Variants in KDM4C observed in about 807,000 individuals in gnomAD.
KDM4C encodes lysine-specific demethylase 4C.
A neutral mutation model predicts 129.3 loss-of-function variants in KDM4C; 81 were observed. That is an observed-to-expected ratio of 0.63 (90% CI 0.52 to 0.75). The LOEUF is 0.75. KDM4C is among the 30% of genes least tolerant of loss of function. KDM4C has a pLI of 0.00. For missense variants in KDM4C, 1,457 were observed against 1,304.0 expected, an observed-to-expected ratio of 1.12 and a Z score of -1.81; for synonymous variants, 573 against 456.1, an observed-to-expected ratio of 1.26 and a Z score of -3.26.
At chr9:6,961,472 A>G (rs76027320) in intron 8 of KDM4C, among the ~76,000 whole-genome samples, 8,337 of 152,282 alleles carry the variant, frequency 0.055, 335 homozygotes, top group East Asian at 0.14. Context: ...ATAAACTGTC[A>G]GAAAATGAGT....
At chr9:6,983,950 G>T (rs986843590) in intron 9 of KDM4C, among the ~76,000 whole-genome samples, 2 of 151,952 alleles carry the variant, frequency 1.3e-5, no homozygotes, top group African/African-American at 4.8e-5. Flanking sequence ...ATTTACAGTT[G>T]TGTGAATTTT....
chr9:6,987,387 T>G (rs1233121765), intron 11 of KDM4C, among the ~76,000 whole-genome samples: 1 of 152,226 alleles, frequency 6.6e-6, no homozygotes, highest in Non-Finnish European at 1.5e-5. Flanking sequence ...GTATTAATAT[T>G]CCATATTCAG....
chr9:6,724,598 T>C (rs1221887166), intron 1 of KDM4C, among the ~76,000 whole-genome samples: 1 of 152,146 alleles, frequency 6.6e-6, no homozygotes, highest in Admixed American at 6.6e-5. Flanking sequence ...TGGCACGATC[T>C]CGGCTCACTG....
At chr9:6,976,600 A>G (rs1832965896) in intron 8 of KDM4C, among the ~76,000 whole-genome samples, 1 of 152,226 alleles carries the variant, frequency 6.6e-6, no homozygotes. Flanking sequence ...TGTTGGATAG[A>G]ATATAGAACA....
chr9:6,831,078 C>T (rs1206566237), intron 4 of KDM4C, among the ~76,000 whole-genome samples: 1 of 152,150 alleles, frequency 6.6e-6, no homozygotes, highest in Non-Finnish European at 1.5e-5. Flanking sequence ...TGTTAGATCA[C>T]GTTAGTGTCA....
chr9:6,848,713 C>G (rs1023233718), intron 4 of KDM4C, among the ~76,000 whole-genome samples: 1 of 152,034 alleles, frequency 6.6e-6, no homozygotes, highest in Non-Finnish European at 1.5e-5. Flanking sequence ...AAACCAGAAT[C>G]TTTTCCTATC....
chr9:6,867,319 T>C (rs1167326907), intron 5 of KDM4C, among the ~76,000 whole-genome samples: 1 of 152,182 alleles, frequency 6.6e-6, no homozygotes, highest in Non-Finnish European at 1.5e-5. Context: ...CGGCCAGTGC[T>C]GCATATTTGT....
chr9:6,864,633 T>TA (rs947880120), intron 5 of KDM4C, among the ~76,000 whole-genome samples: 3 of 151,874 alleles, frequency 2.0e-5, no homozygotes, highest in Non-Finnish European at 2.9e-5. Flanking sequence ...CATGCCCAGC[T>TA]AATTTTTTTT....
upstream of KDM4C, among the ~76,000 whole-genome samples, chr9:6,753,060 T>C (rs114242056): frequency 5.2e-3 from 795 of 152,320 alleles, 7 homozygotes; most frequent in African/African-American, 0.018. Context: ...CTGATGTAAC[T>C]ACAATACTAA....
At chr9:6,950,689 A>G (rs1827979748) in intron 8 of KDM4C, among the ~76,000 whole-genome samples, 1 of 152,228 alleles carries the variant, frequency 6.6e-6, no homozygotes, top group Non-Finnish European at 1.5e-5. Flanking sequence ...GATAACGTTT[A>G]TTGTAGCTGC....
At chr9:6,938,040 G>A (rs923966158) in intron 8 of KDM4C, among the ~76,000 whole-genome samples, 4 of 152,086 alleles carry the variant, frequency 2.6e-5, no homozygotes, top group African/African-American at 9.7e-5. Context: ...TAATCATTTT[G>A]TCAGTTACTT....
At chr9:6,782,844 G>C (rs1356457358) in intron 1 of KDM4C, among the ~76,000 whole-genome samples, 1 of 152,262 alleles carries the variant, frequency 6.6e-6, no homozygotes, top group African/African-American at 2.4e-5. Flanking sequence ...TGAACTAAAG[G>C]TGGGAAAATC....
chr9:7,098,344 A>G (rs1489774353), intron 17 of KDM4C, among the ~76,000 whole-genome samples: 2 of 152,148 alleles, frequency 1.3e-5, no homozygotes, highest in African/African-American at 4.8e-5. Flanking sequence ...TGCAGGGTGA[A>G]TCTCACCAAA....
intron 7 of KDM4C, among the ~76,000 whole-genome samples, chr9:6,892,666 G>A (rs1275069482): frequency 6.6e-6 from 1 of 152,128 alleles, no homozygotes; most frequent in Non-Finnish European, 1.5e-5. Context: ...GATATAGCCT[G>A]CCAAGCATGT....
chr9:6,834,619 C>T lies in KDM4C; in HGVS notation c.436-14888C>T, dbSNP rs1291022560. ...TGGGTCGGAAGGACTCCCATGTGGG[C>T]GACGAGGCCTAGAGCAAGAGAGGCA... is the stretch of plus-strand genomic sequence containing the variant. On this transcript the variant is annotated intron_variant, in intron 4 of 21. Coordinates refer to ENST00000381309, the MANE Select transcript of KDM4C (RefSeq NM_015061.6). The T allele has an allele frequency of 1.7e-5, 13 of 759,956 alleles. No homozygotes were observed. In the East Asian group the frequency reaches 2.2e-4, roughly 13 times the overall value. The allele number at this position is 759,956 out of a possible 1,614,324, so 47.1% of individuals were successfully genotyped here.
In KDM4C at chr9:7,128,128, C is replaced by T. The variant is rs370873503; in HGVS notation, c.2673C>T (p.Asn891=). 3.9e-5 allele frequency: 63 copies of T among 1,612,644 alleles called. No individual in the cohort carries two copies. Among genetic ancestry groups the T allele is most frequent in the Non-Finnish European group, 5.0e-5 (59 of 1,179,494 alleles). Residue 891 remains asparagine (N), a synonymous_variant, in exon 19 of 22, where the codon AAC becomes AAT. Coordinates refer to ENST00000381309, the MANE Select transcript of KDM4C (RefSeq NM_015061.6). The part of the protein sequence containing the change: ...VGQTVITKHR[N]TRYYSCRVMA... Reference sequence around the variant, plus strand: ...AAACGGTCATCACGAAGCATCGGAACACCCGGTATTACAGTTGCAGAGTGA... The same window carrying T: ...AAACGGTCATCACGAAGCATCGGAATACCCGGTATTACAGTTGCAGAGTGA...
At chr9:6,914,894 A>C (rs1326041369) in intron 8 of KDM4C, among the ~76,000 whole-genome samples, 1 of 152,222 alleles carries the variant, frequency 6.6e-6, no homozygotes, top group Non-Finnish European at 1.5e-5. Flanking sequence ...GTGAACAGTA[A>C]ATTTCTATTA....
intron 17 of KDM4C, among the ~76,000 whole-genome samples, chr9:7,082,091 C>G (rs1284258317): frequency 6.6e-6 from 1 of 152,176 alleles, no homozygotes; most frequent in African/African-American, 2.4e-5. Flanking sequence ...TCTGAAACCA[C>G]CTTCTCTAGA....
chr9:6,791,665 T>A (rs1185648011), intron 1 of KDM4C, among the ~76,000 whole-genome samples: 1 of 152,140 alleles, frequency 6.6e-6, no homozygotes, highest in Non-Finnish European at 1.5e-5. Flanking sequence ...CGTATGTGAG[T>A]GAGAGTCTGT....
Sources: gnomAD v4.1 joint callset for allele counts (sites outside exome capture counted in the v4.1 genomes callset) on GRCh38, gnomAD v4.1.1 for gene constraint, MANE v1.5 for transcripts, NCBI Gene and HGNC (gene_info 2026-07-23, HGNC 2026-07-21) for gene names.